Variants in SAMTOR observed in about 807,000 individuals in gnomAD.
The protein encoded by SAMTOR is UPF0532 protein C7orf60.
the SAMTOR span, chr7:112,819,828 T>C: frequency 6.6e-6 from 1 of 152,528 alleles, no homozygotes; most frequent in East Asian, 1.9e-4. Flanking sequence ...TCAAAGCATT[T>C]TCATTTGGTG....
chr7:112,855,891 C>T, the SAMTOR span, among the ~76,000 whole-genome samples: 7 of 151,666 alleles, frequency 4.6e-5, no homozygotes, highest in African/African-American at 1.7e-4. Flanking sequence ...GCCTACCTCA[C>T]CATGCTTGGG....
chr7:112,873,844 A>T, the SAMTOR span, among the ~76,000 whole-genome samples: 1 of 152,146 alleles, frequency 6.6e-6, no homozygotes, highest in Admixed American at 6.5e-5. Context: ...ATCTATAAGA[A>T]ACTTATATCA....
chr7:112,928,060 T>C, the SAMTOR span, among the ~76,000 whole-genome samples: 4 of 152,014 alleles, frequency 2.6e-5, no homozygotes, highest in Non-Finnish European at 5.9e-5. Flanking sequence ...TAGGAAAGAA[T>C]AGCACATTCA....
the SAMTOR span, among the ~76,000 whole-genome samples, chr7:112,860,421 A>G: frequency 6.6e-6 from 1 of 152,154 alleles, no homozygotes; most frequent in African/African-American, 2.4e-5. Flanking sequence ...CTGTTTGTTA[A>G]GGAGGAATAA....
At chr7:112,861,504 C>T in the SAMTOR span, among the ~76,000 whole-genome samples, 1 of 152,124 alleles carries the variant, frequency 6.6e-6, no homozygotes, top group South Asian at 2.1e-4. Context: ...ACATCATGAC[C>T]GTTAGTGATT....
chr7:112,890,629 G>A, the SAMTOR span, among the ~76,000 whole-genome samples: 1 of 150,636 alleles, frequency 6.6e-6, no homozygotes, highest in Admixed American at 6.6e-5. Flanking sequence ...TTAAGGCAGT[G>A]ATTACAAAAT....
the SAMTOR span, among the ~76,000 whole-genome samples, chr7:112,898,531 A>G: frequency 3.3e-5 from 5 of 152,218 alleles, no homozygotes; most frequent in Non-Finnish European, 7.3e-5. Context: ...CCCACATGGC[A>G]CTTCTAGACC....
chr7:112,867,892 G>T, the SAMTOR span, among the ~76,000 whole-genome samples: 1 of 152,234 alleles, frequency 6.6e-6, no homozygotes, highest in Non-Finnish European at 1.5e-5. Context: ...TGCATAGCAG[G>T]AGGTGAGCGG....
At chr7:112,835,284 C>T in the SAMTOR span, among the ~76,000 whole-genome samples, 1 of 152,088 alleles carries the variant, frequency 6.6e-6, no homozygotes, top group Non-Finnish European at 1.5e-5. Context: ...ATTTGTGTTT[C>T]ATCCTCTCCT....
At chr7:112,885,359 G>A in the SAMTOR span, among the ~76,000 whole-genome samples, 6 of 152,186 alleles carry the variant, frequency 3.9e-5, no homozygotes, top group Non-Finnish European at 8.8e-5. Flanking sequence ...CCCAGAAAAC[G>A]GGTTTTTCTT....
chr7:112,917,313 A>C, the SAMTOR span, among the ~76,000 whole-genome samples: 62 of 152,244 alleles, frequency 4.1e-4, no homozygotes, highest in Non-Finnish European at 4.8e-4. Flanking sequence ...GCTGGTCTGC[A>C]GCCACCGCTG....
the SAMTOR span, among the ~76,000 whole-genome samples, chr7:112,905,283 T>G: frequency 0.052 from 7,880 of 152,228 alleles, 514 homozygotes; most frequent in African/African-American, 0.16. Flanking sequence ...GTATGTCCCC[T>G]TCTCTCAGGA....
chr7:112,908,790 T>C, the SAMTOR span, among the ~76,000 whole-genome samples: 1 of 152,180 alleles, frequency 6.6e-6, no homozygotes, highest in South Asian at 2.1e-4. Context: ...CCCGGTGTAA[T>C]GCCTATATGA....
At chr7:112,881,336 A>C in the SAMTOR span, among the ~76,000 whole-genome samples, 1 of 152,144 alleles carries the variant, frequency 6.6e-6, no homozygotes, top group Non-Finnish European at 1.5e-5. Flanking sequence ...CCCACCTTCA[A>C]GCCAGGGACA....
chr7:112,922,873 G>A, the SAMTOR span, among the ~76,000 whole-genome samples: 133 of 135,568 alleles, frequency 9.8e-4, no homozygotes, highest in Admixed American at 1.7e-3. Context: ...CGTCCGGGAG[G>A]GAGGTGGGGG....
chr7:112,893,868 C>T, the SAMTOR span, among the ~76,000 whole-genome samples: 9 of 152,240 alleles, frequency 5.9e-5, no homozygotes, highest in East Asian at 1.4e-3. Context: ...TGCCACTGCA[C>T]GCCAGCCTGG....
chr7:112,894,345 A>T, the SAMTOR span, among the ~76,000 whole-genome samples: 2 of 152,168 alleles, frequency 1.3e-5, no homozygotes, highest in African/African-American at 4.8e-5. Context: ...AAACAATCTT[A>T]ATAGTAACAT....
chr7:112,904,674 G>A, the SAMTOR span, among the ~76,000 whole-genome samples: 6 of 152,102 alleles, frequency 3.9e-5, no homozygotes, highest in African/African-American at 1.4e-4. Flanking sequence ...ACAAAAACTT[G>A]TGCAACTTTT....
chr7:112,914,395 C>T, the SAMTOR span, among the ~76,000 whole-genome samples: 1 of 150,500 alleles, frequency 6.6e-6, no homozygotes, highest in East Asian at 1.9e-4. Flanking sequence ...AGCATAGTAC[C>T]CAATCGGGAG....
Sources: gnomAD v4.1 joint callset for allele counts (sites outside exome capture counted in the v4.1 genomes callset) on GRCh38, gnomAD v4.1.1 for gene constraint, MANE v1.5 for transcripts, NCBI Gene and HGNC (gene_info 2026-07-23, HGNC 2026-07-21) for gene names.